Variants in COL27A1 observed in about 807,000 individuals in gnomAD.
The protein encoded by COL27A1 is collagen type XXVII alpha 1 chain.
Under a neutral mutation model 251.3 loss-of-function variants are expected in COL27A1, and 106 were observed. The observed-to-expected ratio is 0.42, with a 90% CI of 0.36 to 0.50. The LOEUF is 0.50. Among genes scored for constraint, COL27A1 ranks in the 20% least tolerant of loss-of-function variants. The probability of loss-of-function intolerance (pLI) is 0.00; values close to 1 mark genes in which losing one functional copy is unlikely to be tolerated. For synonymous variants in COL27A1, 1,000 were observed against 986.3 expected, an observed-to-expected ratio of 1.01 and a Z score of -0.26; for missense variants, 2,325 against 2,522.8, an observed-to-expected ratio of 0.92 and a Z score of 1.68.
intron 60 of COL27A1, 71 bp downstream of exon 60, chr9:114,309,549 G>A: frequency 8.6e-7 from 1 of 1,156,700 alleles, no homozygotes; most frequent in Non-Finnish European, 1.3e-6. Flanking sequence ...GGAAAAATGT[G>A]TTTCTATTAT....
chr9:114,230,097 C>T (rs1307425481), intron 14 of COL27A1, among the ~76,000 whole-genome samples: 1 of 152,162 alleles, frequency 6.6e-6, no homozygotes, highest in African/African-American at 2.4e-5. Flanking sequence ...ATGAAGAAAC[C>T]GAGGCATGGA....
chr9:114,250,679 T>C lies in COL27A1; in HGVS notation c.3033+11T>C. On this transcript the variant is annotated intron_variant, in intron 25 of 60. Transcript: ENST00000356083. ...ATCGTGGGAGAAAAGGTAAGTGGTG[T>C]TGAGGGGAAAAGATAAACAATTAGA... 6.2e-7 allele frequency: 1 copy of C among 1,610,256 alleles called. No homozygotes were observed. Among genetic ancestry groups the C allele is most frequent in the Non-Finnish European group, 8.5e-7 (1 of 1,176,716 alleles).
intron 28 of COL27A1, among the ~76,000 whole-genome samples, chr9:114,259,999 G>A (rs967319328): frequency 8.7e-5 from 13 of 149,138 alleles, no homozygotes; most frequent in Admixed American, 5.3e-4. Context: ...TCTGGGTGGG[G>A]GGGGGGTCTC....
Position 114,288,932 on chromosome 9 carries a change from G to A in COL27A1, c.4117G>A (p.Gly1373Ser), listed in dbSNP as rs1323286453. Residue 1373 changes from glycine to serine, a missense_variant, in exon 44 of 61, where the codon GGC (glycine) becomes AGC (serine). Physicochemically the swap from Gly to Ser is moderately conservative, Grantham distance 56. Transcript: ENST00000356083. Reference protein sequence around the residue: ...PGYPGQEGVQGLRGKPGQQGQ... With the variant: ...PGYPGQEGVQSLRGKPGQQGQ... ...CTTCCAGGGACAGGAGGGTGTGCAA[G>A]GCCTCCGTGGAAAGCCAGGCCAGCA... 1.2e-6 allele frequency: 2 copies of A among 1,613,588 alleles called. No individual in the cohort carries two copies. The highest frequency in any genetic ancestry group is 8.5e-7 in the Non-Finnish European group (1 of 1,180,000).
At chr9:114,264,882 C>T (rs1274124555) in intron 29 of COL27A1, 42 bp from the exon 30 acceptor site, 2 of 1,591,796 alleles carry the variant, frequency 1.3e-6, no homozygotes, top group Non-Finnish European at 8.6e-7. Context: ...AACGGTCCTC[C>T]CAAGCACCCT....
At chr9:114,302,741 A>C in intron 56 of COL27A1, among the ~76,000 whole-genome samples, 1 of 149,588 alleles carries the variant, frequency 6.7e-6, no homozygotes. Context: ...AAAAAAAAAA[A>C]CAAAGAGAGT....
At chr9:114,306,914 G>T (rs1829091677) in intron 58 of COL27A1, 2 of 530,976 alleles carry the variant, frequency 3.8e-6, no homozygotes, top group Middle Eastern at 5.2e-4. Context: ...GGCAGAAAAA[G>T]CTCCTGAGGC....
intron 19 of COL27A1, among the ~76,000 whole-genome samples, chr9:114,239,686 A>G (rs987963051): frequency 6.6e-6 from 1 of 152,186 alleles, no homozygotes; most frequent in African/African-American, 2.4e-5. Flanking sequence ...GGGAGCCCCC[A>G]TGGGTGGAGT....
chr9:114,217,752 G>A (rs1180032928), intron 12 of COL27A1: 1 of 470,566 alleles, frequency 2.1e-6, no homozygotes, highest in Non-Finnish European at 4.4e-6. Context: ...TCAAGGAGTT[G>A]CTTTCCTCTC....
intron 10 of COL27A1, 126 bp downstream of exon 10, chr9:114,206,422 G>A (rs1276770146): frequency 3.2e-5 from 29 of 908,078 alleles, no homozygotes; most frequent in South Asian, 1.1e-4. Flanking sequence ...GAGTGCTCCC[G>A]GACAACAGAG....
intron 13 of COL27A1, among the ~76,000 whole-genome samples, chr9:114,221,022 G>A (rs1588690801): frequency 6.7e-6 from 1 of 150,032 alleles, no homozygotes; most frequent in East Asian, 2.0e-4. Context: ...AGAAGCCGTT[G>A]TGAGAATGAC....
At chr9:114,296,232 C>T (rs1488316261) in intron 49 of COL27A1, among the ~76,000 whole-genome samples, 1 of 152,144 alleles carries the variant, frequency 6.6e-6, no homozygotes, top group Non-Finnish European at 1.5e-5. Flanking sequence ...AAAACTTTTG[C>T]TCTTCAAAGG....
chr9:114,156,967 C>T (rs1349439149), intron 1 of COL27A1, among the ~76,000 whole-genome samples: 1 of 152,148 alleles, frequency 6.6e-6, no homozygotes, highest in African/African-American at 2.4e-5. Flanking sequence ...TAGCTGGGCC[C>T]TGCCCCCTTT....
At position 114,222,229 on chromosome 9, in the gene COL27A1, C is replaced by A; in HGVS notation, c.2428C>A (p.Leu810Met). Residue 810 changes from leucine (L) to methionine (M), a missense_variant, in exon 14 of 61, where the codon CTG becomes ATG. By Grantham distance (15) the Leu-to-Met change is conservative. Around this residue, in one of 4 missense-constraint regions of COL27A1, gnomAD observed 1,183 missense variants for 1,144.1 expected, o/e 1.03. Transcript: ENST00000356083. ...GGTCTCTCTCTATCTGCAGGGAGAACTGGGCCTGCCAGGCCCCCCTGGAGT... is the reference window on the plus strand; with the variant it reads ...GGTCTCTCTCTATCTGCAGGGAGAAATGGGCCTGCCAGGCCCCCCTGGAGT... ...PPGLDGNPGE[L>M]GLPGPPGVPG... 1 of 1,613,722 alleles carries A rather than the reference C, an allele frequency of 6.2e-7. No individual in the cohort carries two copies. Among genetic ancestry groups the A allele is most frequent in the Non-Finnish European group, 8.5e-7 (1 of 1,179,648 alleles).
chr9:114,197,237 C>G (rs1829208408), intron 7 of COL27A1, among the ~76,000 whole-genome samples: 1 of 152,170 alleles, frequency 6.6e-6, no homozygotes, highest in Non-Finnish European at 1.5e-5. Context: ...ATCTGGCTCT[C>G]ATCTGGACAG....
chr9:114,247,258 G>A (rs2135507593), intron 24 of COL27A1, among the ~76,000 whole-genome samples: 1 of 152,292 alleles, frequency 6.6e-6, no homozygotes, highest in Middle Eastern at 3.4e-3. Flanking sequence ...CCTTAGTGAT[G>A]TATTTTGAGA....
At chr9:114,297,863 CAA>C (rs1057141389) in intron 49 of COL27A1, among the ~76,000 whole-genome samples, 2 of 152,008 alleles carry the variant, frequency 1.3e-5, no homozygotes, top group African/African-American at 4.8e-5. Context: ...GATCAATATA[CAA>C]AAAATGTCAT....
At chr9:114,237,098 T>C in intron 18 of COL27A1, 64 bp downstream of exon 18, 1 of 1,453,744 alleles carries the variant, frequency 6.9e-7, no homozygotes, top group Non-Finnish European at 9.3e-7. Flanking sequence ...GTAATGTGGC[T>C]GGGGACACCT....
intron 36 of COL27A1, chr9:114,274,252 A>G (rs1835339722): frequency 6.6e-6 from 1 of 150,432 alleles, no homozygotes; most frequent in Non-Finnish European, 1.5e-5. Context: ...AAAAAAGCCC[A>G]TGCCAAGGGT....
Sources: allele counts gnomAD v4.1 joint callset (sites outside exome capture counted in the v4.1 genomes callset), GRCh38; gene constraint gnomAD v4.1.1; regional missense constraint gnomAD v4.1.1; transcripts MANE v1.5; gene names NCBI Gene and HGNC (gene_info 2026-07-23, HGNC 2026-07-21).